Variants in AP2B1 observed in about 807,000 individuals in gnomAD.
The protein encoded by AP2B1 is AP-2 complex subunit beta.
A neutral mutation model predicts 102.0 loss-of-function variants in AP2B1; 23 were observed. The observed-to-expected ratio is 0.23, with a 90% CI of 0.16 to 0.32. The LOEUF is 0.32. AP2B1 is among the 10% of genes least tolerant of loss of function. The pLI is 1.00. For missense variants in AP2B1, 541 were observed against 1,157.4 expected (o/e 0.47, Z 7.73); for synonymous variants, 381 against 421.2 (o/e 0.90, Z 1.17).
At position 35,627,245 on chromosome 17, in the gene AP2B1, C is replaced by CTTTT. The variant is rs569701571; in HGVS notation, c.939-119_939-116dup. On this transcript the variant is annotated intron_variant, in intron 7 of 21. Transcript: ENST00000610402. ...TAGAGGCGTATAGAGGAAGTTTATG[C>CTTTT]TTTTTTTTTTTTTTTTTTTTTTTTG... The CTTTT allele has an allele frequency of 3.7e-3, 658 of 178,480 alleles. 41 individuals carry two copies. Among genetic ancestry groups the CTTTT allele is most frequent in the Admixed American group, 9.8e-3 (122 of 12,494 alleles). The allele number at this position is 178,480 out of a possible 1,614,324, so 11.1% of individuals were successfully genotyped here.
At chr17:35,691,083 G>A (rs1052215187) in intron 18 of AP2B1, among the ~76,000 whole-genome samples, 1 of 151,492 alleles carries the variant, frequency 6.6e-6, no homozygotes, top group Non-Finnish European at 1.5e-5. Context: ...TAGACACAAT[G>A]TCTCTTTTTT....
Position 35,627,700 on chromosome 17 carries a change from A to T in AP2B1, c.1129A>T (p.Ile377Phe). 6.2e-7 allele frequency: 1 copy of T among 1,614,142 alleles called. No homozygotes were observed. Among genetic ancestry groups the T allele is most frequent in the Non-Finnish European group, 8.5e-7 (1 of 1,179,994 alleles). The change falls in exon 9 of 22, where the codon ATT (isoleucine) becomes TTT (phenylalanine). Residue 377 changes from isoleucine (I) to phenylalanine (F), a missense_variant. Ile to Phe is a conservative substitution (Grantham distance 21, BLOSUM62 0). This residue lies in a region of AP2B1 where 106 missense variants were observed against 296.4 expected (regional missense o/e 0.36). Transcript: ENST00000610402. ...CTTTGTTCGAAAAGCTGTGCGGGCC[A>T]TTGGACGGTGTGCCATCAAGGTGGA... Reference protein sequence around the residue: ...VDFVRKAVRAIGRCAIKVEQS... With the variant: ...VDFVRKAVRAFGRCAIKVEQS...
chr17:35,623,315 A>G (rs942298224), intron 5 of AP2B1, among the ~76,000 whole-genome samples: 3 of 151,962 alleles, frequency 2.0e-5, no homozygotes, highest in Non-Finnish European at 4.4e-5. Context: ...TGTAATCCCA[A>G]CACTTTGGGA....
intron 14 of AP2B1, among the ~76,000 whole-genome samples, chr17:35,662,305 T>C (rs919924098): frequency 1.3e-5 from 2 of 151,536 alleles, no homozygotes; most frequent in Non-Finnish European, 2.9e-5. Flanking sequence ...CAGCATATTC[T>C]CTTTTGCTTG....
intron 18 of AP2B1, among the ~76,000 whole-genome samples, chr17:35,698,414 A>G (rs151244442): frequency 1.7e-3 from 255 of 152,248 alleles, no homozygotes; most frequent in African/African-American, 5.8e-3. Context: ...GACTCAAGCA[A>G]TTGTCTCACC....
At chr17:35,691,687 T>C (rs1192173038) in intron 18 of AP2B1, among the ~76,000 whole-genome samples, 1 of 152,224 alleles carries the variant, frequency 6.6e-6, no homozygotes, top group East Asian at 1.9e-4. Flanking sequence ...GGATCCAGCG[T>C]TGGATCTACT....
At chr17:35,612,880 GCACACACACACACACACA>G (rs55739970) in intron 5 of AP2B1, among the ~76,000 whole-genome samples, 1 of 143,872 alleles carries the variant, frequency 7.0e-6, no homozygotes. Flanking sequence ...GTGTATGTGC[GCACACACACACACACACA>G]CACACACACA....
intron 9 of AP2B1, among the ~76,000 whole-genome samples, chr17:35,634,682 T>C (rs549976921): frequency 1.3e-5 from 2 of 152,310 alleles, no homozygotes; most frequent in East Asian, 1.9e-4. Flanking sequence ...AGCCCCAATA[T>C]TGGTAAATTG....
chr17:35,710,549 C>T lies in AP2B1; in HGVS notation c.2626+229C>T, dbSNP rs587603229. On this transcript the variant is annotated intron_variant, in intron 20 of 21. Coordinates refer to ENST00000610402, the MANE Select transcript of AP2B1 (RefSeq NM_001030006.2). ...TAACATTTAAGAAACAAGCTAGAAT[C>T]GACCCATCTACCCATTTCTTCACTA... 5.3e-5 allele frequency among the ~76,000 whole-genome samples: 8 copies of T among 152,276 alleles called. No homozygotes were observed. In the South Asian group the frequency reaches 1.4e-3, roughly 28 times the overall value.
rs2085516317 is a variant in AP2B1 at position 35,726,352 on chromosome 17, G to A, written c.*2653G>A. The A allele has an allele frequency of 6.6e-6, 1 of 151,932 alleles. No homozygotes were observed. The highest frequency in any genetic ancestry group is 2.1e-4 in the South Asian group (1 of 4,818). 9.4% of individuals were successfully genotyped at this position (151,932 alleles called of 1,614,324 possible). On this transcript the variant is annotated 3_prime_UTR_variant, in exon 22 of 22. Transcript: ENST00000610402. ...TCTTATTGGGTCCTGTTTTTCGGGA[G>A]GGTGGGGGTTGGGGGAAGCTTGACC... is the stretch of plus-strand genomic sequence containing the variant.
At chr17:35,698,735 C>T (rs1364476197) in intron 18 of AP2B1, among the ~76,000 whole-genome samples, 1 of 152,110 alleles carries the variant, frequency 6.6e-6, no homozygotes, top group Admixed American at 6.5e-5. Context: ...TTTACAGGGG[C>T]AGGGTGGGGG....
chr17:35,650,357 G>C (rs779666211), intron 12 of AP2B1, among the ~76,000 whole-genome samples, 173 bp from the exon 13 acceptor site: 1 of 152,020 alleles, frequency 6.6e-6, no homozygotes, highest in Non-Finnish European at 1.5e-5. Context: ...AGCCTCCCAA[G>C]GTGTTGGGAT....
intron 17 of AP2B1, among the ~76,000 whole-genome samples, chr17:35,680,698 TTG>T (rs1567972239): frequency 6.1e-5 from 9 of 146,392 alleles, no homozygotes; most frequent in African/African-American, 1.3e-4. Context: ...TTTTTTTTTT[TTG>T]TTTTTTTTTT....
chr17:35,649,265 T>TA (rs1326184871), intron 12 of AP2B1, among the ~76,000 whole-genome samples: 1 of 152,006 alleles, frequency 6.6e-6, no homozygotes, highest in South Asian at 2.1e-4. Context: ...TTAAAGCAGT[T>TA]AAAAAAAATT....
chr17:35,637,444 T>C lies in AP2B1; in HGVS notation c.1271+988T>C, dbSNP rs547168366. ...ATCCATCCACCTCAGCCTCCCAAAGTGCTGGGATTACAGGCATGAGCCACG... is the reference window on the plus strand; with the variant it reads ...ATCCATCCACCTCAGCCTCCCAAAGCGCTGGGATTACAGGCATGAGCCACG... On this transcript the variant is annotated intron_variant, in intron 10 of 21. Coordinates refer to ENST00000610402, the MANE Select transcript of AP2B1 (RefSeq NM_001030006.2). Among the ~76,000 whole-genome samples, 19 of 152,152 alleles carry C rather than the reference T, an allele frequency of 1.2e-4. No homozygotes were observed. In the South Asian group the frequency reaches 3.1e-3, roughly 25 times the overall value.
At chr17:35,632,743 A>G (rs913588667) in intron 9 of AP2B1, among the ~76,000 whole-genome samples, 2 of 151,914 alleles carry the variant, frequency 1.3e-5, no homozygotes, top group African/African-American at 4.8e-5. Context: ...ATGTTTTTCA[A>G]ATGTTTATAC....
At chr17:35,699,737 A>T (rs2076207265) in intron 18 of AP2B1, among the ~76,000 whole-genome samples, 1 of 152,162 alleles carries the variant, frequency 6.6e-6, no homozygotes, top group Non-Finnish European at 1.5e-5. Context: ...ATTCCCAGAT[A>T]ATTCATTGGT....
rs375516536 is a variant in AP2B1, at chr17:35,593,036, C to T, written c.-23-972C>T. Among the ~76,000 whole-genome samples the T allele has an allele frequency of 5.9e-5, 9 of 152,238 alleles. No homozygotes were observed. The East Asian group carries it at 9.6e-4, about 16-fold the overall frequency. On this transcript the variant is annotated intron_variant, in intron 1 of 21. Coordinates refer to ENST00000610402, the MANE Select transcript of AP2B1 (RefSeq NM_001030006.2). ...GAGTTAAGGTTGAGGTTGAGATCCA[C>T]GTTCTTTTGTTTCAACACCAGTTTG...
intron 3 of AP2B1, among the ~76,000 whole-genome samples, chr17:35,600,324 C>T (rs1459815076): frequency 6.6e-6 from 1 of 152,036 alleles, no homozygotes; most frequent in Admixed American, 6.5e-5. Context: ...CTCAAATGAT[C>T]TACCTGCCTT....
Sources: gnomAD v4.1 joint callset for allele counts (sites outside exome capture counted in the v4.1 genomes callset) on GRCh38, gnomAD v4.1.1 for gene constraint, gnomAD v4.1.1 regional missense constraint, MANE v1.5 for transcripts, NCBI Gene and HGNC (gene_info 2026-07-23, HGNC 2026-07-21) for gene names.